ZNF92: variants seen among roughly 807,000 people sequenced by gnomAD.
ZNF92 encodes the protein epididymis luminal protein 203.
In ZNF92, 11 loss-of-function variants were observed where a neutral mutation model predicts 12.4. The observed-to-expected ratio is 0.89, with a 90% CI of 0.56 to 1.47. ZNF92 has a LOEUF of 1.47. ZNF92 is among the 40% of genes most tolerant of loss of function. The pLI is 0.00. For synonymous variants in ZNF92, 206 were observed against 228.6 expected (o/e 0.90, Z 0.89); for missense variants, 622 against 681.0 (o/e 0.91, Z 0.96).
intron 1 of ZNF92, among the ~76,000 whole-genome samples, chr7:65,381,728 A>T (rs1793425263): frequency 6.6e-6 from 1 of 152,094 alleles, no homozygotes; most frequent in Non-Finnish European, 1.5e-5. Flanking sequence ...GTAAGCAGGG[A>T]GTCCAGTTTT....
intron 1 of ZNF92, among the ~76,000 whole-genome samples, chr7:65,386,578 T>C (rs1361341504): frequency 6.6e-6 from 1 of 152,108 alleles, no homozygotes; most frequent in East Asian, 1.9e-4. Context: ...TGAAACAGGA[T>C]GGCATTTACT....
At chr7:65,380,728 G>A (rs1793384926) in intron 1 of ZNF92, among the ~76,000 whole-genome samples, 1 of 152,098 alleles carries the variant, frequency 6.6e-6, no homozygotes, top group African/African-American at 2.4e-5. Context: ...TAGGAGGTGG[G>A]TCAAATGGTA....
intron 3 of ZNF92, among the ~76,000 whole-genome samples, chr7:65,398,046 G>A (rs1174059356): frequency 6.6e-6 from 1 of 152,130 alleles, no homozygotes; most frequent in Non-Finnish European, 1.5e-5. Flanking sequence ...TTATTGAGGA[G>A]CAGGAAGAGC....
intron 2 of ZNF92, 32 bp downstream of exon 2, chr7:65,388,060 G>C: frequency 6.4e-7 from 1 of 1,555,520 alleles, no homozygotes; most frequent in Non-Finnish European, 8.6e-7. Flanking sequence ...AATACACAAT[G>C]CTCTAAAAGT....
In ZNF92 at chr7:65,398,380, A is replaced by G. The variant is rs1793900411; in HGVS notation, c.266A>G (p.His89Arg). ...SHFAQDVWPE[H>R]SIKDSFQKVI... ...TTTGCCCAAGATGTTTGGCCAGAGC[A>G]CAGCATAAAAGATTCTTTCCAAAAA... Residue 89 changes from histidine (H) to arginine (R), a missense_variant, in exon 4 of 4, where the codon CAC (histidine) becomes CGC (arginine). Physicochemically the swap from His to Arg is conservative, Grantham distance 29. Coordinates refer to ENST00000328747, the MANE Select transcript of ZNF92 (RefSeq NM_152626.4). 3 of 1,594,306 alleles carry G rather than the reference A, an allele frequency of 1.9e-6. No homozygotes were observed. Among genetic ancestry groups the G allele is most frequent in the African/African-American group, 2.7e-5 (2 of 73,770 alleles).
chr7:65,380,547 C>T (rs949729248), intron 1 of ZNF92, among the ~76,000 whole-genome samples: 2 of 152,188 alleles, frequency 1.3e-5, no homozygotes, highest in Admixed American at 6.5e-5. Flanking sequence ...GCTGGGATTA[C>T]AGGCGTGAAC....
In ZNF92 at chr7:65,388,798, TA is replaced by T. The variant is rs771533996; in HGVS notation, c.131-4del. 2 of 1,568,082 alleles carry T rather than the reference TA, an allele frequency of 1.3e-6. No homozygotes were observed. The highest frequency in any genetic ancestry group is 1.7e-6 in the Non-Finnish European group (2 of 1,152,662). Reference sequence around the variant, plus strand: ...CAAGATTTATGTTATTTATTTTTAATAAAACAGGTATTGCTGTCTCTAAGCC... The same window carrying T: ...CAAGATTTATGTTATTTATTTTTAATAAACAGGTATTGCTGTCTCTAAGCC... On this transcript the variant is annotated splice_polypyrimidine_tract_variant and splice_region_variant and intron_variant, in intron 2 of 3. Coordinates refer to ENST00000328747, the MANE Select transcript of ZNF92 (RefSeq NM_152626.4).
At chr7:65,385,622 C>T (rs1793541773) in intron 1 of ZNF92, among the ~76,000 whole-genome samples, 1 of 151,672 alleles carries the variant, frequency 6.6e-6, no homozygotes, top group African/African-American at 2.4e-5. Context: ...AAGGAGATAT[C>T]ATTATCTCCA....
rs1367287645 is a variant in ZNF92 at position 65,400,683 on chromosome 7, T to A, written c.*808T>A. On this transcript the variant is annotated 3_prime_UTR_variant, in exon 4 of 4. Transcript: ENST00000328747. ...AGAAGATTTTTTGGAGATTTATAAT[T>A]ACATTCAAAGTATACTTTTTTCTTG... 2 of 152,000 alleles carry A rather than the reference T, an allele frequency of 1.3e-5. No individual in the cohort carries two copies. Among genetic ancestry groups the A allele is most frequent in the Non-Finnish European group, 1.5e-5 (1 of 67,896 alleles). 9.4% of individuals were successfully genotyped at this position (152,000 alleles called of 1,614,324 possible).
chr7:65,391,147 G>C (rs1211836203), intron 3 of ZNF92, among the ~76,000 whole-genome samples: 1 of 152,030 alleles, frequency 6.6e-6, no homozygotes, highest in African/African-American at 2.4e-5. Context: ...ATGGGGTCTT[G>C]CTTCATAACC....
At chr7:65,381,902 G>T (rs551998412) in intron 1 of ZNF92, among the ~76,000 whole-genome samples, 1 of 151,996 alleles carries the variant, frequency 6.6e-6, no homozygotes, top group Non-Finnish European at 1.5e-5. Flanking sequence ...GCCTGTTTTT[G>T]TACTGGTATC....
intron 1 of ZNF92, among the ~76,000 whole-genome samples, chr7:65,375,304 C>A (rs1269537924): frequency 6.6e-6 from 1 of 152,028 alleles, no homozygotes; most frequent in Non-Finnish European, 1.5e-5. Flanking sequence ...CCTACCATGG[C>A]AATGTCGCTA....
chr7:65,391,372 C>T (rs1793704963), intron 3 of ZNF92, among the ~76,000 whole-genome samples: 1 of 152,074 alleles, frequency 6.6e-6, no homozygotes, highest in Admixed American at 6.6e-5. Context: ...TTTTTACTTT[C>T]TATTTTCTAT....
intron 3 of ZNF92, among the ~76,000 whole-genome samples, chr7:65,394,427 A>C (rs1239370614): frequency 3.9e-5 from 6 of 152,010 alleles, no homozygotes; most frequent in Admixed American, 2.0e-4. Context: ...TTGTGTCAGT[A>C]CCACATTGTT....
chr7:65,377,718 C>T (rs955064222), intron 1 of ZNF92, among the ~76,000 whole-genome samples: 4 of 151,782 alleles, frequency 2.6e-5, no homozygotes, highest in Non-Finnish European at 5.9e-5. Context: ...AGGCTCGTGC[C>T]ACCACACCCA....
At chr7:65,398,252 T>C in intron 3 of ZNF92, 89 bp from the exon 4 acceptor site, 1 of 1,111,640 alleles carries the variant, frequency 9.0e-7, no homozygotes, top group Non-Finnish European at 1.2e-6. Context: ...GCTTATGTTG[T>C]AGTTTGTACA....
At position 65,399,514 on chromosome 7, in the gene ZNF92, C is replaced by A; in HGVS notation, c.1400C>A (p.Thr467Asn). Residue 467 changes from threonine to asparagine, a missense_variant, in exon 4 of 4, where the codon ACC becomes AAC. Thr to Asn is a moderately conservative substitution (Grantham distance 65). Coordinates refer to ENST00000328747, the MANE Select transcript of ZNF92 (RefSeq NM_152626.4). ...GGCAAAGCCTTTAGTGTATTCTCAA[C>A]CCTTACTAAACATAAAATAATTCAT... The part of the protein sequence containing the change: ...ECGKAFSVFS[T>N]LTKHKIIHTR... 6.8e-6 allele frequency: 11 copies of A among 1,612,144 alleles called. No individual in the cohort carries two copies. The highest frequency in any genetic ancestry group is 9.3e-6 in the Non-Finnish European group (11 of 1,179,266).
In ZNF92 at chr7:65,398,363, AG is replaced by A; in HGVS notation, c.250del (p.Asp84MetfsTer8). ...CAGTTATGTGTTCTCATTTTGCCCAAGATGTTTGGCCAGAGCACAGCATAAA... is the reference window on the plus strand; with the variant it reads ...CAGTTATGTGTTCTCATTTTGCCCAAATGTTTGGCCAGAGCACAGCATAAA... ...TPVMCSHFAQDVWPEHSIKDS... is the reference protein window; with the variant it reads ...TPVMCSHFAQXVWPEHSIKDS... On this transcript the variant is annotated frameshift_variant, in exon 4 of 4. Coordinates refer to ENST00000328747, the MANE Select transcript of ZNF92 (RefSeq NM_152626.4). LOFTEE classifies it low-confidence loss of function (END_TRUNC). 2.6e-6 allele frequency: 4 copies of A among 1,559,150 alleles called. No homozygotes were observed. The highest frequency in any genetic ancestry group is 3.5e-6 in the Non-Finnish European group (4 of 1,156,204).
At chr7:65,378,482 C>A (rs1793311340) in intron 1 of ZNF92, among the ~76,000 whole-genome samples, 2 of 152,000 alleles carry the variant, frequency 1.3e-5, no homozygotes, top group African/African-American at 4.8e-5. Context: ...GTGGCTCACA[C>A]CTGTAATCCC....
Sources: allele counts gnomAD v4.1 joint callset (sites outside exome capture counted in the v4.1 genomes callset), GRCh38; gene constraint gnomAD v4.1.1; transcripts MANE v1.5; gene names NCBI Gene and HGNC (gene_info 2026-07-23, HGNC 2026-07-21).